NLGN1: variants seen among roughly 807,000 people sequenced by gnomAD.
The protein encoded by NLGN1 is neuroligin 1, also known as neuroligin-1.
NLGN1 carries 12 observed loss-of-function variants against 65.5 expected under a neutral mutation model. The observed-to-expected ratio is 0.18, with a 90% CI of 0.12 to 0.30. The LOEUF is 0.30. Among genes scored for constraint, NLGN1 ranks in the 10% least tolerant of loss-of-function variants. NLGN1 has a pLI of 1.00. For missense variants in NLGN1, 750 were observed against 1,007.1 expected (o/e 0.74, Z 3.46); for synonymous variants, 350 against 359.5 (o/e 0.97, Z 0.30).
chr3:173,822,425 A>C (rs1720504376), intron 4 of NLGN1, among the ~76,000 whole-genome samples: 1 of 152,136 alleles, frequency 6.6e-6, no homozygotes, highest in Admixed American at 6.6e-5. Flanking sequence ...ATTGTTTTGC[A>C]TGAGAAAACT....
At chr3:173,461,032 G>A (rs1443526434) in intron 2 of NLGN1, among the ~76,000 whole-genome samples, 1 of 152,164 alleles carries the variant, frequency 6.6e-6, no homozygotes, top group East Asian at 1.9e-4. Flanking sequence ...AAAGACAATA[G>A]TATGGAGAGA....
chr3:174,213,809 C>T (rs184727250), intron 4 of NLGN1, among the ~76,000 whole-genome samples: 24 of 152,148 alleles, frequency 1.6e-4, no homozygotes, highest in African/African-American at 2.2e-4. Context: ...ATTATTTTAA[C>T]GTTATAATTT....
intron 4 of NLGN1, among the ~76,000 whole-genome samples, chr3:174,124,580 T>C (rs1718485888): frequency 1.2e-5 from 1 of 80,484 alleles, no homozygotes; most frequent in African/African-American, 1.2e-4. Flanking sequence ...TATACACATA[T>C]ATACGTATAT....
In NLGN1 at chr3:173,819,528, A is replaced by G. The variant is rs193220139; in HGVS notation, c.646+11696A>G. Among the ~76,000 whole-genome samples the G allele has an allele frequency of 3.2e-3, 484 of 152,234 alleles. 15 individuals carry two copies. The highest frequency in any genetic ancestry group is 0.029 in the Admixed American group (445 of 15,298). On this transcript the variant is annotated intron_variant, in intron 4 of 6. Transcript: ENST00000457714. ...GCTAGACTCCTCACTGCCTAGGACG[A>G]TCCTTTCCAACAGCTGACCTGCCAC...
Position 173,562,060 on chromosome 3 carries a change from T to A in NLGN1, c.-320-42219T>A, listed in dbSNP as rs143102974. On this transcript the variant is annotated intron_variant, in intron 2 of 6. Coordinates refer to ENST00000457714, the Ensembl canonical transcript of NLGN1. ...TGTTTTTTTAGATGGTGGGGAAGCATGAAGACATTTTAGACAGCAAGAATA... is the reference window on the plus strand; with the variant it reads ...TGTTTTTTTAGATGGTGGGGAAGCAAGAAGACATTTTAGACAGCAAGAATA... Among the ~76,000 whole-genome samples, 52 of 152,238 alleles carry A rather than the reference T, an allele frequency of 3.4e-4. No homozygotes were observed. The East Asian group carries it at 9.8e-3, about 29-fold the overall frequency.
At chr3:173,463,911 GTTAC>G (rs955482368) in intron 2 of NLGN1, among the ~76,000 whole-genome samples, 1 of 151,550 alleles carries the variant, frequency 6.6e-6, no homozygotes, top group African/African-American at 2.4e-5. Flanking sequence ...GTTTATAGTT[GTTAC>G]TTAAAGATAA....
intron 4 of NLGN1, among the ~76,000 whole-genome samples, chr3:174,101,652 A>T (rs1199271863): frequency 6.6e-6 from 1 of 152,218 alleles, no homozygotes; most frequent in African/African-American, 2.4e-5. Flanking sequence ...TATACCTCTT[A>T]AAGTCAAAAA....
intron 4 of NLGN1, among the ~76,000 whole-genome samples, chr3:174,045,883 C>G (rs1241177044): frequency 6.6e-6 from 1 of 152,140 alleles, no homozygotes; most frequent in Non-Finnish European, 1.5e-5. Context: ...ACAAAACAGA[C>G]ATTTCAGTCC....
intron 4 of NLGN1, among the ~76,000 whole-genome samples, chr3:173,991,625 C>T (rs1721117144): frequency 6.6e-6 from 1 of 152,118 alleles, no homozygotes; most frequent in African/African-American, 2.4e-5. Context: ...GCTTGTTCTA[C>T]TATATTGGAT....
At chr3:173,672,338 T>C (rs1343299916) in intron 3 of NLGN1, among the ~76,000 whole-genome samples, 1 of 152,176 alleles carries the variant, frequency 6.6e-6, no homozygotes, top group African/African-American at 2.4e-5. Flanking sequence ...TTTTGATCCA[T>C]ACCTGTGAGG....
chr3:173,976,875 T>C (rs1230055977), intron 4 of NLGN1, among the ~76,000 whole-genome samples: 1 of 152,100 alleles, frequency 6.6e-6, no homozygotes, highest in African/African-American at 2.4e-5. Flanking sequence ...TCAGTGTGTA[T>C]ATTTTCACTT....
chr3:174,271,436 C>A lies in NLGN1; in HGVS notation c.647-3879C>A, dbSNP rs144431006. Among the ~76,000 whole-genome samples, 233 of 152,004 alleles carry A rather than the reference C, an allele frequency of 1.5e-3. 2 individuals carry two copies. Among genetic ancestry groups the A allele is most frequent in the African/African-American group, 5.1e-3 (211 of 41,538 alleles). On this transcript the variant is annotated intron_variant, in intron 4 of 6. Transcript: ENST00000457714. ...AATTTAAATTAGCTCCTTTCACACT[C>A]CTTAGGGTCTGCCTGTCAGAGAGTT...
At chr3:173,604,518 AC>A in exon 3 of NLGN1, 1 of 1,448,092 alleles carries the variant, frequency 6.9e-7, no homozygotes, top group South Asian at 1.3e-5. Context: ...GGTATATTCT[AC>A]CATTATACAG....
intron 4 of NLGN1, among the ~76,000 whole-genome samples, chr3:173,881,581 C>T (rs9857081): frequency 0.019 from 2,957 of 151,846 alleles, 75 homozygotes; most frequent in Middle Eastern, 0.068. Context: ...CCCGCCACCA[C>T]GCCTGGCTAA....
chr3:174,156,661 G>T (rs541401503), intron 4 of NLGN1, among the ~76,000 whole-genome samples: 1 of 151,570 alleles, frequency 6.6e-6, no homozygotes, highest in South Asian at 2.1e-4. Flanking sequence ...CACTTAAGGA[G>T]GTCTTCATAT....
intron 4 of NLGN1, among the ~76,000 whole-genome samples, chr3:173,929,688 C>CT (rs1216482685): frequency 2.1e-5 from 3 of 142,030 alleles, no homozygotes; most frequent in East Asian, 4.1e-4. Flanking sequence ...TTTTTTTTTT[C>CT]TTTTTTTCTT....
intron 4 of NLGN1, among the ~76,000 whole-genome samples, chr3:174,083,707 A>G (rs1742698946): frequency 6.6e-6 from 1 of 152,112 alleles, no homozygotes; most frequent in Non-Finnish European, 1.5e-5. Flanking sequence ...TCAAGCTCTC[A>G]CTCAGAGAAT....
intron 4 of NLGN1, among the ~76,000 whole-genome samples, chr3:173,966,819 GA>G (rs1714979169): frequency 6.6e-6 from 1 of 152,182 alleles, no homozygotes; most frequent in African/African-American, 2.4e-5. Flanking sequence ...TCCCCAAACT[GA>G]AAGTGGTTTG....
At chr3:174,244,925 G>A (rs1383125417) in intron 4 of NLGN1, among the ~76,000 whole-genome samples, 3 of 152,140 alleles carry the variant, frequency 2.0e-5, no homozygotes, top group African/African-American at 7.2e-5. Flanking sequence ...GATGTCGCAG[G>A]AATGATTCTA....
Sources: allele counts gnomAD v4.1 joint callset (sites outside exome capture counted in the v4.1 genomes callset), GRCh38; gene constraint gnomAD v4.1.1; transcripts MANE v1.5; gene names NCBI Gene and HGNC (gene_info 2026-07-23, HGNC 2026-07-21).